The following NEK11 variants were observed in gnomAD, a reference collection of about 807,000 sequenced individuals.
NEK11 encodes serine/threonine-protein kinase Nek11.
Under a neutral mutation model 80.7 loss-of-function variants are expected in NEK11, and 72 were observed. The ratio of observed to expected loss-of-function variants is 0.89; its 90% confidence interval spans 0.74 to 1.08. The LOEUF is 1.08. Ranked by LOEUF, NEK11 falls within the 50% of genes least tolerant of loss-of-function variation. The probability of loss-of-function intolerance (pLI) is 0.00; values close to 1 mark genes in which losing one functional copy is unlikely to be tolerated. For missense variants in NEK11, 764 were observed against 763.6 expected, an observed-to-expected ratio of 1.00 and a Z score of -0.01; for synonymous variants, 251 against 260.7, an observed-to-expected ratio of 0.96 and a Z score of 0.36.
chr3:131,264,888 A>G (rs1190610029), intron 16 of NEK11, among the ~76,000 whole-genome samples: 3 of 152,022 alleles, frequency 2.0e-5, no homozygotes, highest in East Asian at 3.9e-4. Context: ...CTTTTATTTC[A>G]TTGAACAGTG....
intron 13 of NEK11, 71 bp from the exon 14 acceptor site, chr3:131,170,702 A>AT (rs986554614): frequency 2.9e-5 from 27 of 943,102 alleles, no homozygotes; most frequent in East Asian, 9.6e-5. Flanking sequence ...AAATAAGAAT[A>AT]TTTTTTTCAT....
intron 14 of NEK11, among the ~76,000 whole-genome samples, chr3:131,195,000 G>A (rs1225805000): frequency 2.0e-5 from 3 of 152,130 alleles, no homozygotes; most frequent in Admixed American, 6.6e-5. Flanking sequence ...GGTAATGAGC[G>A]TGGTAAGAAC....
intron 3 of NEK11, among the ~76,000 whole-genome samples, chr3:131,069,840 T>C (rs13087023): frequency 9.4e-6 from 1 of 106,758 alleles, no homozygotes; most frequent in Non-Finnish European, 2.0e-5. Flanking sequence ...GGTGGGGGGA[T>C]GGGGGAGGGA....
At chr3:131,183,681 A>G (rs1157202609) in intron 14 of NEK11, among the ~76,000 whole-genome samples, 1 of 152,172 alleles carries the variant, frequency 6.6e-6, no homozygotes, top group African/African-American at 2.4e-5. Context: ...TATCCAGTCT[A>G]TCACTGATGG....
chr3:131,131,800 A>AT (rs2084531415), intron 5 of NEK11, among the ~76,000 whole-genome samples: 1 of 151,892 alleles, frequency 6.6e-6, no homozygotes, highest in East Asian at 1.9e-4. Flanking sequence ...TAGATAACTG[A>AT]TTTTAGATCT....
chr3:131,056,147 T>C (rs1371273431), intron 3 of NEK11, among the ~76,000 whole-genome samples: 1 of 152,144 alleles, frequency 6.6e-6, no homozygotes, highest in Non-Finnish European at 1.5e-5. Flanking sequence ...CAGTGAAGAC[T>C]TTCACTTTCA....
chr3:131,334,517 A>C (rs1436229366), intron 17 of NEK11, among the ~76,000 whole-genome samples: 32 of 151,502 alleles, frequency 2.1e-4, no homozygotes, highest in African/African-American at 6.8e-4. Flanking sequence ...AGAAAGCAGG[A>C]AAGATCCAAA....
intron 4 of NEK11, among the ~76,000 whole-genome samples, chr3:131,107,753 T>C (rs6802249): frequency 0.22 from 32,757 of 152,076 alleles, 3,721 homozygotes; most frequent in African/African-American, 0.27. Context: ...AACTGATATA[T>C]TAAGCAGACC....
At chr3:131,029,330 G>A (rs1419687336) in intron 2 of NEK11, among the ~76,000 whole-genome samples, 2 of 152,196 alleles carry the variant, frequency 1.3e-5, no homozygotes, top group African/African-American at 4.8e-5. Context: ...TTAAATAAAT[G>A]AAGAGATTGC....
At chr3:131,132,224 T>A (rs974043968) in intron 5 of NEK11, among the ~76,000 whole-genome samples, 1 of 152,090 alleles carries the variant, frequency 6.6e-6, no homozygotes, top group Admixed American at 6.5e-5. Flanking sequence ...AGTTTTTTTA[T>A]GCAAAGATTT....
intron 15 of NEK11, among the ~76,000 whole-genome samples, chr3:131,241,068 T>C (rs2095511481): frequency 6.6e-6 from 1 of 152,190 alleles, no homozygotes; most frequent in South Asian, 2.1e-4. Flanking sequence ...GGATCTGTCA[T>C]ATCTCTTCTT....
chr3:131,250,770 A>G (rs997920235), intron 16 of NEK11, among the ~76,000 whole-genome samples: 1 of 152,134 alleles, frequency 6.6e-6, no homozygotes, highest in African/African-American at 2.4e-5. Context: ...TGGATAACCC[A>G]TTTGGATTTT....
intron 17 of NEK11, among the ~76,000 whole-genome samples, chr3:131,276,512 A>G (rs1397550342): frequency 2.6e-5 from 4 of 152,308 alleles, no homozygotes; most frequent in African/African-American, 9.6e-5. Context: ...TGACTGAACA[A>G]GATGTTCACT....
chr3:131,178,995 A>G (rs1286506890), intron 14 of NEK11, among the ~76,000 whole-genome samples: 9 of 152,172 alleles, frequency 5.9e-5, no homozygotes, highest in Admixed American at 5.9e-4. Flanking sequence ...AGTTGTTGGC[A>G]GTGTGATAGT....
chr3:131,339,127 A>T (rs1450816017), intron 17 of NEK11, among the ~76,000 whole-genome samples: 2 of 152,204 alleles, frequency 1.3e-5, no homozygotes, highest in African/African-American at 4.8e-5. Flanking sequence ...CCTGAGAAAG[A>T]ATTACTCATG....
chr3:131,283,450 T>C (rs958688516), intron 17 of NEK11, among the ~76,000 whole-genome samples: 5 of 152,124 alleles, frequency 3.3e-5, no homozygotes, highest in African/African-American at 1.2e-4. Flanking sequence ...TCACATGCTT[T>C]TCTGAATTGG....
At chr3:131,263,318 T>G (rs2095970870) in intron 16 of NEK11, among the ~76,000 whole-genome samples, 1 of 152,148 alleles carries the variant, frequency 6.6e-6, no homozygotes, top group Admixed American at 6.6e-5. Context: ...ATTTATTAAA[T>G]AGGAAATCCT....
intron 4 of NEK11, among the ~76,000 whole-genome samples, chr3:131,081,967 C>A (rs953902804): frequency 2.6e-5 from 4 of 152,202 alleles, no homozygotes; most frequent in African/African-American, 9.6e-5. Context: ...AATATCTGAA[C>A]AAGTTTGAAA....
chr3:131,236,426 A>C (rs2107965859), intron 15 of NEK11, among the ~76,000 whole-genome samples: 1 of 152,294 alleles, frequency 6.6e-6, no homozygotes, highest in East Asian at 1.9e-4. Flanking sequence ...AAATGTCTTA[A>C]GAGTTCTGTC....
Sources: gnomAD v4.1 joint callset for allele counts (sites outside exome capture counted in the v4.1 genomes callset) on GRCh38, gnomAD v4.1.1 for gene constraint, MANE v1.5 for transcripts, NCBI Gene and HGNC (gene_info 2026-07-23, HGNC 2026-07-21) for gene names.